Variants in IDI2 observed in about 807,000 individuals in gnomAD.
IDI2 encodes isopentenyl-diphosphate delta-isomerase 2.
Under a neutral mutation model 14.8 loss-of-function variants are expected in IDI2, and 18 were observed. The observed-to-expected ratio is 1.22, with a 90% CI of 0.84 to 1.80. IDI2 has a LOEUF of 1.80. Among genes scored for constraint, IDI2 ranks in the 40% most tolerant of loss-of-function variants. The probability of loss-of-function intolerance (pLI) is 0.00; values close to 1 mark genes in which losing one functional copy is unlikely to be tolerated. For missense variants in IDI2, 316 were observed against 283.2 expected (o/e 1.12, Z -0.83); for synonymous variants, 133 against 109.6 (o/e 1.21, Z -1.33).
At position 1,019,841 on chromosome 10, in the gene IDI2, A is replaced by G. The variant is rs1832060211; in HGVS notation, c.367-7T>C. Reference sequence around the variant, plus strand: ...CAATGTCCTCTGGAGAAATCTATTGACAGAAATTGGTGCAGTGTTAACAAC... The same window carrying G: ...CAATGTCCTCTGGAGAAATCTATTGGCAGAAATTGGTGCAGTGTTAACAAC... On this transcript the variant is annotated splice_region_variant and splice_polypyrimidine_tract_variant and intron_variant, in intron 4 of 4. Transcript: ENST00000277517. The G allele has an allele frequency of 6.2e-7, 1 of 1,606,308 alleles. No homozygotes were observed. The highest frequency in any genetic ancestry group is 8.5e-7 in the Non-Finnish European group (1 of 1,173,010).
At chr10:1,025,281 T>G (rs1210341557) in intron 1 of IDI2, among the ~76,000 whole-genome samples, 1 of 152,124 alleles carries the variant, frequency 6.6e-6, no homozygotes, top group African/African-American at 2.4e-5. Flanking sequence ...GGCTCACGTC[T>G]GTAATCCCAG....
rs754899707 is a variant in IDI2 at position 1,022,663 on chromosome 10, G to T, written c.235+20C>A. ...CATGAGATGCTCTCTTCAGTCCGGG[G>T]CTTGGTTGAACGGACTCACCAGGAA... On this transcript the variant is annotated intron_variant, in intron 3 of 4. Transcript: ENST00000277517. The T allele has an allele frequency of 1.9e-6, 3 of 1,569,652 alleles. No homozygotes were observed. The highest frequency in any genetic ancestry group is 1.3e-5 in the African/African-American group (1 of 74,106).
chr10:1,024,193 T>A (rs898797327), intron 2 of IDI2, among the ~76,000 whole-genome samples: 1 of 152,150 alleles, frequency 6.6e-6, no homozygotes, highest in Non-Finnish European at 1.5e-5. Flanking sequence ...GGAAGGGGGT[T>A]CTGGCTACAC....
chr10:1,023,009 C>A (rs934957912), intron 2 of IDI2, among the ~76,000 whole-genome samples: 1 of 152,096 alleles, frequency 6.6e-6, no homozygotes, highest in African/African-American at 2.4e-5. Flanking sequence ...ACTACCAGGG[C>A]AAATATCCAA....
At chr10:1,024,819 A>C in intron 1 of IDI2, 75 bp from the exon 2 acceptor site, 1 of 1,434,768 alleles carries the variant, frequency 7.0e-7, no homozygotes, top group Non-Finnish European at 9.7e-7. Flanking sequence ...GTTACCAACC[A>C]CATTAGGATT....
intron 4 of IDI2, 58 bp downstream of exon 4, chr10:1,020,708 TC>T: frequency 1.5e-6 from 2 of 1,374,754 alleles, no homozygotes; most frequent in Non-Finnish European, 9.5e-7. Flanking sequence ...TTGTTCACCG[TC>T]TGCCCGCTGC....
intron 3 of IDI2, among the ~76,000 whole-genome samples, chr10:1,022,327 A>G (rs938637723): frequency 9.9e-5 from 15 of 152,260 alleles, no homozygotes; most frequent in African/African-American, 3.6e-4. Context: ...TAAGACCTGT[A>G]AGATAATTTT....
Position 1,024,690 on chromosome 10 carries a change from G to A in IDI2, c.34C>T (p.Arg12Cys), listed in dbSNP as rs779594327. Residue 12 changes from arginine (R) to cysteine (C), a missense_variant, in exon 2 of 5, where the codon CGT (arginine) becomes TGT (cysteine). Coordinates refer to ENST00000277517, the MANE Select transcript of IDI2 (RefSeq NM_033261.3). ...ATTTCCTCCAAGCGCTGCAACTGACGCCTGTCAACCCAGTCAAGATTTATG... is the reference window on the plus strand; with the variant it reads ...ATTTCCTCCAAGCGCTGCAACTGACACCTGTCAACCCAGTCAAGATTTATG... Reference protein sequence around the residue: ...SDINLDWVDRRQLQRLEEMLI... With the variant: ...SDINLDWVDRCQLQRLEEMLI... 3.4e-5 allele frequency: 55 copies of A among 1,613,994 alleles called. No individual in the cohort carries two copies. The East Asian group carries it at 3.6e-4, about 10-fold the overall frequency.
Position 1,019,553 on chromosome 10 carries a change from G to A in IDI2, c.648C>T (p.Thr216=), listed in dbSNP as rs564510161. 3 of 1,613,526 alleles carry A rather than the reference G, an allele frequency of 1.9e-6. No individual in the cohort carries two copies. The highest frequency in any genetic ancestry group is 2.5e-6 in the Non-Finnish European group (3 of 1,179,838). Residue 216 remains threonine, a synonymous_variant, in exon 5 of 5, where the codon ACC becomes ACT. Coordinates refer to ENST00000277517, the MANE Select transcript of IDI2 (RefSeq NM_033261.3). ...GTATTTTGTGAAGCTCCACAAACGG[G>A]GTCACGTCATCCAGGTGAGGCCACC... ...YRWWPHLDDV[T]PFVELHKIHR...
chr10:1,019,961 T>G, intron 4 of IDI2, 127 bp from the exon 5 acceptor site: 1 of 774,404 alleles, frequency 1.3e-6, no homozygotes, highest in Non-Finnish European at 2.1e-6. Context: ...ATTGATAATT[T>G]CCAAAACCTC....
chr10:1,019,479 G>C lies in IDI2; in HGVS notation c.*38C>G. The C allele has an allele frequency of 6.5e-7, 1 of 1,546,128 alleles. No homozygotes were observed. Among genetic ancestry groups the C allele is most frequent in the South Asian group, 1.2e-5 (1 of 83,900 alleles). On this transcript the variant is annotated 3_prime_UTR_variant, in exon 5 of 5. Transcript: ENST00000277517. The stretch of plus-strand genomic sequence containing the variant: ...CCTCAATGGTGCGTCTGCCTGCACT[G>C]AGGGCATTACACATGGCTGACTCGA...
At position 1,022,767 on chromosome 10, in the gene IDI2, G is replaced by A. The variant is rs770462336; in HGVS notation, c.151C>T (p.His51Tyr). The A allele has an allele frequency of 2.9e-5, 46 of 1,613,500 alleles. No individual in the cohort carries two copies. The highest frequency in any genetic ancestry group is 3.8e-5 in the Non-Finnish European group (45 of 1,179,412). ...AACAAGACAACGCTGAAGGCTCGGT[G>A]CAGCAGCCCTGCAAAGGTAAGTGCC... ...LNENIEKGLL[H>Y]RAFSVVLFNT... The change falls in exon 3 of 5, where the codon CAC becomes TAC. Residue 51 changes from histidine (H) to tyrosine (Y), a missense_variant. His to Tyr is a moderately conservative substitution (Grantham distance 83, BLOSUM62 2). Transcript: ENST00000277517.
intron 4 of IDI2, 59 bp downstream of exon 4, chr10:1,020,708 T>TTAA: frequency 7.3e-7 from 1 of 1,374,754 alleles, no homozygotes. Context: ...TTGTTCACCG[T>TTAA]CTGCCCGCTG....
intron 3 of IDI2, 101 bp from the exon 4 acceptor site, chr10:1,020,998 G>C: frequency 7.7e-7 from 1 of 1,299,014 alleles, no homozygotes; most frequent in Non-Finnish European, 1.1e-6. Context: ...TCCGTCATCA[G>C]CAGAAGACAG....
At chr10:1,022,260 A>AC (rs1554818060) in intron 3 of IDI2, among the ~76,000 whole-genome samples, 1 of 53,886 alleles carries the variant, frequency 1.9e-5, no homozygotes, top group Non-Finnish European at 3.7e-5. Flanking sequence ...CTCCATCTCC[A>AC]AAAAAAAAAA....
rs922040327 is a variant in IDI2 at position 1,020,849 on chromosome 10, TCTG to T, written c.281_283del (p.Ala94del). The T allele has an allele frequency of 1.2e-6, 2 of 1,613,970 alleles. No homozygotes were observed. The highest frequency in any genetic ancestry group is 1.7e-6 in the Non-Finnish European group (2 of 1,179,984). On this transcript the variant is annotated inframe_deletion, in exon 4 of 5. Transcript: ENST00000277517. ...TCCGATGGCATCCTTTTCTTCCAGT[TCTG>T]CTGGGTTGTATAATGGGTGGCTACT...
At position 1,022,656 on chromosome 10, in the gene IDI2, G is replaced by A. The variant is rs1832130499; in HGVS notation, c.235+27C>T. The stretch of plus-strand genomic sequence containing the variant: ...CAAGTCACATGAGATGCTCTCTTCA[G>A]TCCGGGGCTTGGTTGAACGGACTCA... On this transcript the variant is annotated intron_variant, in intron 3 of 4. Transcript: ENST00000277517. 3 of 1,541,510 alleles carry A rather than the reference G, an allele frequency of 1.9e-6. No homozygotes were observed. In the South Asian group the frequency reaches 3.3e-5, roughly 17 times the overall value.
At position 1,020,820 on chromosome 10, in the gene IDI2, T is replaced by C. The variant is rs1832080502; in HGVS notation, c.313A>G (p.Arg105Gly). Residue 105 changes from arginine to glycine, a missense_variant, in exon 4 of 5, where the codon AGG (arginine) becomes GGG (glycine). Physicochemically the swap from Arg to Gly is moderately radical, Grantham distance 125. Coordinates refer to ENST00000277517, the MANE Select transcript of IDI2 (RefSeq NM_033261.3). ...TGCAGACGCCTCTGGGCTGCCCTCC[T>C]CACTCCGATGGCATCCTTTTCTTCC... ...ELEEKDAIGVRRAAQRRLQAE... is the reference protein window; with the variant it reads ...ELEEKDAIGVGRAAQRRLQAE... 1 of 1,613,886 alleles carries C rather than the reference T, an allele frequency of 6.2e-7. No homozygotes were observed. Among genetic ancestry groups the C allele is most frequent in the Admixed American group, 1.7e-5 (1 of 59,984 alleles).
chr10:1,019,391 T>TGGGCAA lies in IDI2; in HGVS notation c.*125_*126insTTGCCC. ...GTTGATGAAAAGGTTGAAATAGTGA[T>TGGGCAA]TTATACATGATGGGCAATCAAGTGC... is the stretch of plus-strand genomic sequence containing the variant. On this transcript the variant is annotated 3_prime_UTR_variant, in exon 5 of 5. Coordinates refer to ENST00000277517, the MANE Select transcript of IDI2 (RefSeq NM_033261.3). The TGGGCAA allele has an allele frequency of 1.5e-6, 1 of 649,740 alleles. No individual in the cohort carries two copies. The highest frequency in any genetic ancestry group is 2.0e-5 in the South Asian group (1 of 49,206). The allele number at this position is 649,740 out of a possible 1,614,324, so 40.2% of individuals were successfully genotyped here.
Sources: gnomAD v4.1 joint callset for allele counts (sites outside exome capture counted in the v4.1 genomes callset) on GRCh38, gnomAD v4.1.1 for gene constraint, MANE v1.5 for transcripts, NCBI Gene and HGNC (gene_info 2026-07-23, HGNC 2026-07-21) for gene names.